The following CDH1 variants were observed in gnomAD, a reference collection of about 807,000 sequenced individuals.
CDH1 encodes cadherin-1.
A neutral mutation model predicts 84.5 loss-of-function variants in CDH1; 35 were observed. That is an observed-to-expected ratio of 0.41 (90% CI 0.32 to 0.55). The LOEUF is 0.55. Ranked by LOEUF, CDH1 falls within the 20% of genes least tolerant of loss-of-function variation. CDH1 has a pLI of 0.19. For synonymous variants in CDH1, 417 were observed against 439.0 expected, an observed-to-expected ratio of 0.95 and a Z score of 0.63; for missense variants, 994 against 1,126.6, an observed-to-expected ratio of 0.88 and a Z score of 1.68.
chr16:68,766,386 C>T (rs940119003), intron 2 of CDH1, among the ~76,000 whole-genome samples: 2 of 152,278 alleles, frequency 1.3e-5, no homozygotes, highest in African/African-American at 2.4e-5. Flanking sequence ...CCGGATGCAC[C>T]GCTTCCCTTC....
At position 68,822,221 on chromosome 16, in the gene CDH1, C is replaced by T; in HGVS notation, c.1932C>T (p.Asp644=). 6.2e-7 allele frequency: 1 copy of T among 1,612,786 alleles called. No homozygotes were observed. The highest frequency in any genetic ancestry group is 8.5e-7 in the Non-Finnish European group (1 of 1,178,796). ...CCAACTGGACCATTCAGTACAACGA[C>T]CCAAGTGGGTACCTGAGTTTTATTT... ...ASANWTIQYN[D]PTQESIILKP... is the part of the protein sequence containing the mutation. Residue 644 remains aspartate (D), a synonymous_variant, in exon 12 of 16, where the codon GAC becomes GAT. Coordinates refer to ENST00000261769, the MANE Select transcript of CDH1 (RefSeq NM_004360.5).
chr16:68,810,301 G>A lies in CDH1; in HGVS notation c.792G>A (p.Gln264=), dbSNP rs762692785. The A allele has an allele frequency of 1.9e-6, 3 of 1,614,102 alleles. No homozygotes were observed. Among genetic ancestry groups the A allele is most frequent in the South Asian group, 2.2e-5 (2 of 91,084 alleles). ...ATGACAACAAGCCCGAATTCACCCA[G>A]GAGGTCTTTAAGGGGTCTGTCATGG... ...DQNDNKPEFT[Q]EVFKGSVMEG... is the part of the protein sequence containing the mutation. Residue 264 remains glutamine (Q), a synonymous_variant, in exon 6 of 16, where the codon CAG becomes CAA. Coordinates refer to ENST00000261769, the MANE Select transcript of CDH1 (RefSeq NM_004360.5).
intron 2 of CDH1, among the ~76,000 whole-genome samples, chr16:68,785,448 T>G (rs1441090230): frequency 6.6e-6 from 1 of 152,122 alleles, no homozygotes; most frequent in Non-Finnish European, 1.5e-5. Context: ...CACCTCAGCT[T>G]CCCAAAGTGC....
At chr16:68,807,286 T>C (rs1960690901) in intron 3 of CDH1, among the ~76,000 whole-genome samples, 1 of 152,184 alleles carries the variant, frequency 6.6e-6, no homozygotes, top group South Asian at 2.1e-4. Flanking sequence ...TGAAGAGATT[T>C]ATATTGATCA....
At chr16:68,809,064 G>T in intron 5 of CDH1, 2 of 582,006 alleles carry the variant, frequency 3.4e-6, no homozygotes, top group Non-Finnish European at 3.1e-6. Flanking sequence ...AGGAGAATCC[G>T]CATGCATCCT....
chr16:68,830,013 A>G (rs1338376445), intron 15 of CDH1, among the ~76,000 whole-genome samples: 9 of 144,412 alleles, frequency 6.2e-5, no homozygotes, highest in African/African-American at 2.1e-4. Context: ...GCTGGAGTGC[A>G]ATGGCGCAAT....
At chr16:68,762,843 A>G (rs35158985) in intron 2 of CDH1, among the ~76,000 whole-genome samples, 55,032 of 144,672 alleles carry the variant, frequency 0.38, 11,103 homozygotes, top group African/African-American at 0.55. Flanking sequence ...CCTGGGAGGC[A>G]GAGGTTGGAG....
chr16:68,737,515 C>CGCCCCAGCCCGGT (rs45625236), intron 1 of CDH1, 52 bp downstream of exon 1: 3 of 1,351,374 alleles, frequency 2.2e-6, no homozygotes, highest in Admixed American at 2.0e-5. Context: ...GCAAGCTCCG[C>CGCCCCAGCCCGGT]GCCCCAGCCC....
At position 68,738,380 on chromosome 16, in the gene CDH1, C is replaced by T; in HGVS notation, c.132C>T (p.Arg44=). 6.4e-7 allele frequency: 1 copy of T among 1,550,890 alleles called. No individual in the cohort carries two copies. The highest frequency in any genetic ancestry group is 8.7e-7 in the Non-Finnish European group (1 of 1,146,592). Residue 44 remains arginine (R), a synonymous_variant, in exon 2 of 16, where the codon CGC becomes CGT. Coordinates refer to ENST00000261769, the MANE Select transcript of CDH1 (RefSeq NM_004360.5). ...AESYTFTVPR[R]HLERGRVLGR... is the part of the protein sequence containing the mutation. The stretch of plus-strand genomic sequence containing the variant: ...GCTACACGTTCACGGTGCCCCGGCG[C>T]CACCTGGAGAGAGGCCGCGTCCTGG...
rs773763544 is a variant in CDH1 at position 68,815,749 on chromosome 16, C to A, written c.1555C>A (p.Gln519Lys). 9.9e-6 allele frequency: 16 copies of A among 1,614,240 alleles called. No individual in the cohort carries two copies. The South Asian group carries it at 1.6e-4, about 17-fold the overall frequency. ...TAQEPDTFME[Q>K]KITYRIWRDT... is the part of the protein sequence containing the mutation. The stretch of plus-strand genomic sequence containing the variant: ...CCAGGAGCCAGACACATTTATGGAA[C>A]AGAAAATAACGTAAGTGTGAGGATT... The change falls in exon 10 of 16, where the codon CAG (glutamine) becomes AAG (lysine). Residue 519 changes from glutamine to lysine, a missense_variant. By Grantham distance (53) the Gln-to-Lys change is moderately conservative. This residue lies in a region of CDH1 where 769 missense variants were observed against 881.8 expected (regional missense o/e 0.87). Coordinates refer to ENST00000261769, the MANE Select transcript of CDH1 (RefSeq NM_004360.5).
rs76403769 is a variant in CDH1 at position 68,754,726 on chromosome 16, T to G, written c.163+16315T>G. On this transcript the variant is annotated intron_variant, in intron 2 of 15. Coordinates refer to ENST00000261769, the MANE Select transcript of CDH1 (RefSeq NM_004360.5). Reference sequence around the variant, plus strand: ...CAGAGGTATTTGTCTGTCCATTCACTTAATGAATTTGTGCTGAGCACCTGC... The same window carrying G: ...CAGAGGTATTTGTCTGTCCATTCACGTAATGAATTTGTGCTGAGCACCTGC... Among the ~76,000 whole-genome samples, 1,195 of 152,282 alleles carry G rather than the reference T, an allele frequency of 7.8e-3. 15 individuals carry two copies. The highest frequency in any genetic ancestry group is 0.027 in the African/African-American group (1,133 of 41,570).
At chr16:68,827,257 T>G (rs1316729646) in intron 13 of CDH1, among the ~76,000 whole-genome samples, 4 of 151,782 alleles carry the variant, frequency 2.6e-5, no homozygotes, top group Non-Finnish European at 4.4e-5. Flanking sequence ...GGCAACAGAG[T>G]GAGACTCTGT....
chr16:68,760,084 ATATT>A (rs745358335), intron 2 of CDH1, among the ~76,000 whole-genome samples: 14 of 105,180 alleles, frequency 1.3e-4, no homozygotes, highest in African/African-American at 2.7e-4. Context: ...CCATATATAT[ATATT>A]TTTTTTTTTT....
chr16:68,815,834 T>A, intron 10 of CDH1, 75 bp downstream of exon 10: 1 of 1,518,950 alleles, frequency 6.6e-7, no homozygotes, highest in South Asian at 1.1e-5. Context: ...ATCAATAATA[T>A]GTACTTCATG....
intron 2 of CDH1, among the ~76,000 whole-genome samples, chr16:68,757,115 G>A (rs575059684): frequency 3.3e-5 from 5 of 152,158 alleles, no homozygotes; most frequent in Admixed American, 3.3e-4. Context: ...TTGAGACAGA[G>A]TCTTGCTCTG....
Position 68,742,272 on chromosome 16 carries a change from C to T in CDH1, c.163+3861C>T, listed in dbSNP as rs568989212. 2.6e-5 allele frequency among the ~76,000 whole-genome samples: 4 copies of T among 152,024 alleles called. No individual in the cohort carries two copies. In the South Asian group the frequency reaches 6.3e-4, roughly 24 times the overall value. On this transcript the variant is annotated intron_variant, in intron 2 of 15. Coordinates refer to ENST00000261769, the MANE Select transcript of CDH1 (RefSeq NM_004360.5). Reference sequence around the variant, plus strand: ...ACCCAAACTTTGTGGATTAAATACACCCATTTCCCCTCCTTTTTTTTTTTT... The same window carrying T: ...ACCCAAACTTTGTGGATTAAATACATCCATTTCCCCTCCTTTTTTTTTTTT...
intron 2 of CDH1, among the ~76,000 whole-genome samples, chr16:68,760,641 C>T (rs2152119154): frequency 6.6e-6 from 1 of 152,288 alleles, no homozygotes; most frequent in African/African-American, 2.4e-5. Flanking sequence ...GTTTAGTTCT[C>T]TTCCGCACAG....
chr16:68,815,026 G>C (rs1960945589), intron 9 of CDH1, among the ~76,000 whole-genome samples: 1 of 151,848 alleles, frequency 6.6e-6, no homozygotes, highest in Non-Finnish European at 1.5e-5. Context: ...AGGAGTTCGA[G>C]ACCAGCCTGG....
chr16:68,741,663 C>A (rs906136263), intron 2 of CDH1, among the ~76,000 whole-genome samples: 49 of 150,714 alleles, frequency 3.3e-4, no homozygotes, highest in South Asian at 6.3e-4. Context: ...AAAAAAAAAA[C>A]CAAACTCAAC....
Sources: allele counts gnomAD v4.1 joint callset (sites outside exome capture counted in the v4.1 genomes callset), GRCh38; gene constraint gnomAD v4.1.1; regional missense constraint gnomAD v4.1.1; transcripts MANE v1.5; gene names NCBI Gene and HGNC (gene_info 2026-07-23, HGNC 2026-07-21).